The following B9D2 variants were observed in gnomAD, a reference collection of about 807,000 sequenced individuals.
B9D2 encodes the protein B9 domain-containing protein 2.
A neutral mutation model predicts 19.2 loss-of-function variants in B9D2; 21 were observed. The observed-to-expected ratio is 1.09, with a 90% CI of 0.78 to 1.58. The LOEUF (loss-of-function observed/expected upper bound fraction) is 1.58, where lower values mean the gene tolerates loss of function less well. B9D2 is among the 40% of genes most tolerant of loss of function. The pLI, the probability that B9D2 is intolerant of heterozygous loss-of-function variation, is 0.00. For missense variants in B9D2, 221 were observed against 244.3 expected (o/e 0.90, Z 0.64); for synonymous variants, 91 against 100.6 (o/e 0.90, Z 0.57).
Position 41,354,841 on chromosome 19 carries a change from A to G in B9D2, c.387T>C (p.Gly129=), listed in dbSNP as rs767629000. ...CCCCATGCAGCAGCTGCGGCCCACC[A>G]CCCACGAAAGCCCGTGCCAACTGTT... ...WREQLARAFV[G]GGPQLLHGDT... is the part of the protein sequence containing the mutation. Residue 129 remains glycine, a synonymous_variant, in exon 4 of 4, where the codon GGT becomes GGC. Coordinates refer to ENST00000243578, the MANE Select transcript of B9D2 (RefSeq NM_030578.4). The G allele has an allele frequency of 4.3e-6, 7 of 1,613,886 alleles. No homozygotes were observed. The Admixed American group carries it at 5.0e-5, about 12-fold the overall frequency.
At chr19:41,360,672 AT>A (rs922742985) in intron 2 of B9D2, among the ~76,000 whole-genome samples, 2 of 150,318 alleles carry the variant, frequency 1.3e-5, no homozygotes, top group Non-Finnish European at 1.5e-5. Flanking sequence ...TGCCCAGCTA[AT>A]TTTTTTTGTA....
chr19:41,358,835 A>T (rs563622203), intron 2 of B9D2, among the ~76,000 whole-genome samples: 20 of 151,884 alleles, frequency 1.3e-4, no homozygotes, highest in African/African-American at 1.9e-4. Context: ...GCAAAACCCC[A>T]TCTCTACAAA....
rs761158280 is a variant in B9D2, at chr19:41,357,996, C to T, written c.115G>A (p.Val39Met). ...TCCACTTGCGTTTGGCCCTCCCGCA[C>T]GCCTGACAGGAGCTTCCATGCCGCC... is the stretch of plus-strand genomic sequence containing the variant. ...TGAAWKLLSG[V>M]REGQTQVDTP... Residue 39 changes from valine (V) to methionine (M), a missense_variant, in exon 3 of 4, where the codon GTG becomes ATG. By Grantham distance (21) the Val-to-Met change is conservative (BLOSUM62 1). Coordinates refer to ENST00000243578, the MANE Select transcript of B9D2 (RefSeq NM_030578.4). 9.3e-6 allele frequency: 15 copies of T among 1,614,132 alleles called. No homozygotes were observed. Among genetic ancestry groups the T allele is most frequent in the East Asian group, 8.9e-5 (4 of 44,880 alleles).
intron 2 of B9D2, 51 bp from the exon 3 acceptor site, chr19:41,358,073 G>A (rs772884480): frequency 6.2e-7 from 1 of 1,611,988 alleles, no homozygotes; most frequent in Admixed American, 1.7e-5. Context: ...ATCGGGAAGG[G>A]GATGCCGCTG....
intron 1 of B9D2, 62 bp from the exon 2 acceptor site, chr19:41,363,585 G>T: frequency 6.9e-7 from 1 of 1,457,474 alleles, no homozygotes; most frequent in African/African-American, 1.4e-5. Flanking sequence ...CATTTGACGG[G>T]GGGGAAACTG....
intron 2 of B9D2, among the ~76,000 whole-genome samples, chr19:41,361,840 A>G (rs868574012): frequency 1.0e-4 from 6 of 58,312 alleles, no homozygotes; most frequent in East Asian, 3.9e-4. Context: ...AGCACTTTGG[A>G]AGGCCTACGC....
At chr19:41,356,130 A>T (rs1040738112) in intron 3 of B9D2, among the ~76,000 whole-genome samples, 3 of 152,112 alleles carry the variant, frequency 2.0e-5, no homozygotes, top group African/African-American at 7.2e-5. Context: ...TATGGCTTTC[A>T]CCCTGAGTGA....
intron 3 of B9D2, among the ~76,000 whole-genome samples, chr19:41,356,845 T>C (rs1480166954): frequency 1.9e-5 from 2 of 107,800 alleles, no homozygotes; most frequent in Non-Finnish European, 4.1e-5. Context: ...AGTGAAACTC[T>C]GTCTCCAAAA....
At chr19:41,363,927 C>T (rs1055156319) in intron 1 of B9D2, 31 bp downstream of exon 1, 1 of 377,512 alleles carries the variant, frequency 2.6e-6, no homozygotes, top group Non-Finnish European at 4.9e-6. Flanking sequence ...CTTAACCCCG[C>T]CTCTAAGCGC....
intron 2 of B9D2, among the ~76,000 whole-genome samples, chr19:41,359,656 T>C (rs1004203244): frequency 3.3e-5 from 5 of 151,564 alleles, no homozygotes; most frequent in South Asian, 4.2e-4. Context: ...TGAGCCAAGA[T>C]GGTCCCATTG....
Position 41,354,970 on chromosome 19 carries a change from A to G in B9D2, c.258T>C (p.Phe86=). ...CATAGCCTGCAAGCTGGCAGCGGCC[A>G]AAGCTGTCCTGGGACCACACCTGGA... ...LHFQVWSQDS[F]GRCQLAGYGF... Residue 86 remains phenylalanine (F), a synonymous_variant, in exon 4 of 4, where the codon TTT becomes TTC. Transcript: ENST00000243578. 6.2e-7 allele frequency: 1 copy of G among 1,610,886 alleles called. No homozygotes were observed.
At chr19:41,359,803 C>G (rs1384561613) in intron 2 of B9D2, among the ~76,000 whole-genome samples, 2 of 152,174 alleles carry the variant, frequency 1.3e-5, no homozygotes, top group African/African-American at 4.8e-5. Context: ...AATCCACCCT[C>G]TAGGACTCTT....
At chr19:41,363,158 A>C in intron 2 of B9D2, 2 of 477,648 alleles carry the variant, frequency 4.2e-6, no homozygotes, top group Non-Finnish European at 7.7e-6. Context: ...AGGCGGGAGG[A>C]TCACTAGAGC....
Position 41,363,482 on chromosome 19 carries a change from G to GC in B9D2, c.37dup (p.Ala13GlyfsTer8). The stretch of plus-strand genomic sequence containing the variant: ...GAGGCTACTTTCCGAGAAACCGCTG[G>GC]CCCCTATGATCTGCCCGATCACGTG... On this transcript the variant is annotated frameshift_variant, in exon 2 of 4. Transcript: ENST00000243578. LOFTEE classifies it high-confidence loss of function. 1.9e-5 allele frequency: 30 copies of GC among 1,614,134 alleles called. No individual in the cohort carries two copies. Among genetic ancestry groups the GC allele is most frequent in the Non-Finnish European group, 2.5e-5 (29 of 1,180,028 alleles).
At chr19:41,356,212 T>G (rs1323259767) in intron 3 of B9D2, among the ~76,000 whole-genome samples, 4 of 152,098 alleles carry the variant, frequency 2.6e-5, no homozygotes, top group Non-Finnish European at 5.9e-5. Flanking sequence ...GGGTCCCAGC[T>G]GCATGTGGGG....
chr19:41,358,163 A>G (rs896128686), intron 2 of B9D2, 141 bp from the exon 3 acceptor site: 14 of 1,299,946 alleles, frequency 1.1e-5, no homozygotes, highest in Middle Eastern at 1.9e-4. Context: ...ATCTGGGTTC[A>G]AATCCTGGCA....
At chr19:41,361,925 CA>C (rs1277200135) in intron 2 of B9D2, among the ~76,000 whole-genome samples, 1 of 62,686 alleles carries the variant, frequency 1.6e-5, no homozygotes, top group East Asian at 3.7e-4. Context: ...ACTAAAAATA[CA>C]AAAATTAGCT....
chr19:41,359,572 G>A (rs566782881), intron 2 of B9D2, among the ~76,000 whole-genome samples: 4 of 151,976 alleles, frequency 2.6e-5, no homozygotes, highest in East Asian at 1.9e-4. Context: ...GTGTGGTGGC[G>A]CACGCCCATA....
intron 2 of B9D2, among the ~76,000 whole-genome samples, chr19:41,360,453 A>G (rs2038386197): frequency 6.6e-6 from 1 of 152,136 alleles, no homozygotes; most frequent in African/African-American, 2.4e-5. Flanking sequence ...CTGGCATTAC[A>G]GGGGTGAGTC....
Sources: gnomAD v4.1 joint callset for allele counts (sites outside exome capture counted in the v4.1 genomes callset) on GRCh38, gnomAD v4.1.1 for gene constraint, MANE v1.5 for transcripts, NCBI Gene and HGNC (gene_info 2026-07-23, HGNC 2026-07-21) for gene names.